SVIL: variants seen among roughly 807,000 people sequenced by gnomAD.
The protein encoded by SVIL is archvillin.
A neutral mutation model predicts 240.4 loss-of-function variants in SVIL; 101 were observed. The observed-to-expected ratio is 0.42, with a 90% CI of 0.36 to 0.50. The LOEUF (loss-of-function observed/expected upper bound fraction) is 0.50, where lower values mean the gene tolerates loss of function less well. Ranked by LOEUF, SVIL falls within the 20% of genes least tolerant of loss-of-function variation. The pLI is 0.01. For synonymous variants in SVIL, 999 were observed against 1,100.0 expected (o/e 0.91, Z 1.82); for missense variants, 2,512 against 2,818.7 (o/e 0.89, Z 2.46).
chr10:29,700,261 C>T (rs1962405719), intron 1 of SVIL, among the ~76,000 whole-genome samples: 1 of 152,114 alleles, frequency 6.6e-6, no homozygotes, highest in Non-Finnish European at 1.5e-5. Context: ...ACATTCTTCA[C>T]AGAGCAAGCC....
rs529035018 is a variant in SVIL, at chr10:29,613,436, A to C, written c.-201+20984T>G. 2.6e-5 allele frequency among the ~76,000 whole-genome samples: 4 copies of C among 152,164 alleles called. No homozygotes were observed. The East Asian group carries it at 7.7e-4, about 29-fold the overall frequency. On this transcript the variant is annotated intron_variant, in intron 1 of 37. Coordinates refer to ENST00000355867, the MANE Select transcript of SVIL (RefSeq NM_021738.3). ...CAACCTCGAACTCCTGGGCTCAAGC[A>C]ATGCTTCTGCCTCAGCCTTGCAAAG...
At chr10:29,607,339 C>T (rs1957064465) in intron 1 of SVIL, among the ~76,000 whole-genome samples, 1 of 152,222 alleles carries the variant, frequency 6.6e-6, no homozygotes, top group South Asian at 2.1e-4. Flanking sequence ...ACTGGCAGCT[C>T]TTGCTTATTT....
chr10:29,460,464 C>G (rs1944120033), intron 36 of SVIL, among the ~76,000 whole-genome samples: 1 of 152,148 alleles, frequency 6.6e-6, no homozygotes, highest in African/African-American at 2.4e-5. Context: ...GAGTTATATC[C>G]TTCTGAAAGT....
At chr10:29,475,978 C>T (rs1403524059) in intron 29 of SVIL, among the ~76,000 whole-genome samples, 1 of 152,136 alleles carries the variant, frequency 6.6e-6, no homozygotes, top group South Asian at 2.1e-4. Flanking sequence ...ACATAGGTTT[C>T]GTAAATGATT....
chr10:29,654,367 AT>A (rs1275812022), intron 3 of SVIL, among the ~76,000 whole-genome samples: 1 of 152,010 alleles, frequency 6.6e-6, no homozygotes, highest in African/African-American at 2.4e-5. Context: ...AACAAAATTG[AT>A]TTTGTATATT....
chr10:29,719,353 C>A (rs1963836174), intron 1 of SVIL, among the ~76,000 whole-genome samples: 1 of 152,158 alleles, frequency 6.6e-6, no homozygotes, highest in Non-Finnish European at 1.5e-5. Context: ...CTGCTCCTAC[C>A]TAATAAATCT....
chr10:29,496,513 A>C (rs1414560325), intron 18 of SVIL: 1 of 431,372 alleles, frequency 2.3e-6, no homozygotes, highest in Non-Finnish European at 4.6e-6. Context: ...AACCGGAGAA[A>C]TCCATCCGTG....
intron 1 of SVIL, among the ~76,000 whole-genome samples, chr10:29,686,981 C>T (rs1428424510): frequency 1.3e-5 from 2 of 152,150 alleles, no homozygotes; most frequent in Non-Finnish European, 2.9e-5. Context: ...CTCAAGACCC[C>T]CAAACTCCTT....
Position 29,473,999 on chromosome 10 carries a change from C to G in SVIL, c.5378-10G>C. Reference sequence around the variant, plus strand: ...TTCTGGCGACTTCCCACTGCAAACACAGAATGGCAGAGGGACAGGTCAGCA... The same window carrying G: ...TTCTGGCGACTTCCCACTGCAAACAGAGAATGGCAGAGGGACAGGTCAGCA... On this transcript the variant is annotated splice_polypyrimidine_tract_variant and intron_variant, in intron 29 of 37. Transcript: ENST00000355867. 6.2e-7 allele frequency: 1 copy of G among 1,612,016 alleles called. No homozygotes were observed. The highest frequency in any genetic ancestry group is 8.5e-7 in the Non-Finnish European group (1 of 1,179,386).
At chr10:29,531,140 G>A in intron 10 of SVIL, 114 bp downstream of exon 10, 1 of 991,402 alleles carries the variant, frequency 1.0e-6, no homozygotes, top group Non-Finnish European at 1.5e-6. Flanking sequence ...CTGCAGCAAA[G>A]GGAGACACTG....
At chr10:29,722,159 A>G (rs946888712) in intron 1 of SVIL, among the ~76,000 whole-genome samples, 1 of 151,218 alleles carries the variant, frequency 6.6e-6, no homozygotes, top group Non-Finnish European at 1.5e-5. Context: ...AATCGTTTGA[A>G]CCCAGGAGGT....
At chr10:29,652,022 C>A (rs189520357) in intron 3 of SVIL, among the ~76,000 whole-genome samples, 5 of 151,930 alleles carry the variant, frequency 3.3e-5, no homozygotes, top group Non-Finnish European at 5.9e-5. Context: ...CACACAAACA[C>A]ACACACACAC....
At chr10:29,596,862 G>C (rs1273208045) in intron 1 of SVIL, among the ~76,000 whole-genome samples, 6 of 152,206 alleles carry the variant, frequency 3.9e-5, no homozygotes, top group African/African-American at 1.2e-4. Context: ...AATTCACAAA[G>C]GGCTTTAATC....
chr10:29,705,778 G>T (rs185171350), intron 1 of SVIL, among the ~76,000 whole-genome samples: 3 of 152,230 alleles, frequency 2.0e-5, no homozygotes, highest in African/African-American at 4.8e-5. Context: ...GAGGACGATG[G>T]CTTCTGGCTT....
chr10:29,566,343 AC>A (rs1240603197), intron 2 of SVIL, among the ~76,000 whole-genome samples: 3 of 152,088 alleles, frequency 2.0e-5, no homozygotes, highest in Non-Finnish European at 4.4e-5. Flanking sequence ...GGCTGTCATC[AC>A]CCTCTGGTCC....
chr10:29,497,529 G>T (rs1422179954), intron 18 of SVIL, among the ~76,000 whole-genome samples: 2 of 152,140 alleles, frequency 1.3e-5, no homozygotes, highest in Non-Finnish European at 2.9e-5. Flanking sequence ...ATAAATTTTT[G>T]AATATAGGCA....
rs1226176941 is a variant in SVIL at position 29,551,210 on chromosome 10, G to A, written c.214C>T (p.Arg72Ter). The A allele has an allele frequency of 6.2e-7, 1 of 1,609,248 alleles. No homozygotes were observed. Among genetic ancestry groups the A allele is most frequent in the Non-Finnish European group, 8.5e-7 (1 of 1,178,006 alleles). ...GAGGTTTCTGTGCAGTATTTGGATC[G>A]AGTTTGCTTTTCTAGAGAAGAATCA... Reference protein sequence around the residue: ...TSDSSLEKQTRSKYCTETSGV... With the variant: ...TSDSSLEKQT Residue 72 changes from arginine to a stop codon, truncating the protein, a stop_gained, in exon 6 of 38, where the codon CGA (arginine) becomes TGA (stop). Coordinates refer to ENST00000355867, the MANE Select transcript of SVIL (RefSeq NM_021738.3). LOFTEE classifies it high-confidence loss of function.
rs1956486727 is a variant in SVIL, at chr10:29,594,029, G to A, written c.-200-24717C>T. On this transcript the variant is annotated intron_variant, in intron 1 of 37. Coordinates refer to ENST00000355867, the MANE Select transcript of SVIL (RefSeq NM_021738.3). ...TCCCTAATCAGAAAATCCAAAATTG[G>A]TTCAGCTCCAAAATCACAAGGTTTT... is the stretch of plus-strand genomic sequence containing the variant. 2.6e-5 allele frequency among the ~76,000 whole-genome samples: 4 copies of A among 152,098 alleles called. No homozygotes were observed. In the South Asian group the frequency reaches 8.3e-4, roughly 31 times the overall value.
chr10:29,522,687 TC>T (rs780765502), intron 15 of SVIL, 52 bp from the exon 16 acceptor site: 30 of 1,567,084 alleles, frequency 1.9e-5, no homozygotes, highest in Non-Finnish European at 2.1e-5. Flanking sequence ...CAAACATTCT[TC>T]CAGCGATTCG....
Sources: gnomAD v4.1 joint callset for allele counts (sites outside exome capture counted in the v4.1 genomes callset) on GRCh38, gnomAD v4.1.1 for gene constraint, MANE v1.5 for transcripts, NCBI Gene and HGNC (gene_info 2026-07-23, HGNC 2026-07-21) for gene names.